Variants in CDH3 observed in about 807,000 individuals in gnomAD.
CDH3 encodes the protein cadherin-3.
A neutral mutation model predicts 82.0 loss-of-function variants in CDH3; 54 were observed. That is an observed-to-expected ratio of 0.66 (90% CI 0.53 to 0.83). The LOEUF (loss-of-function observed/expected upper bound fraction) is 0.83, where lower values mean the gene tolerates loss of function less well. Ranked by LOEUF, CDH3 falls within the 40% of genes least tolerant of loss-of-function variation. CDH3 has a pLI of 0.00. For missense variants in CDH3, 1,054 were observed against 1,084.6 expected (o/e 0.97, Z 0.40); for synonymous variants, 446 against 437.9 (o/e 1.02, Z -0.23).
chr16:68,678,572 T>G lies in CDH3; in HGVS notation c.462T>G (p.Pro154=), dbSNP rs546779028. The G allele has an allele frequency of 2.5e-6, 4 of 1,614,198 alleles. No homozygotes were observed. Among genetic ancestry groups the G allele is most frequent in the Non-Finnish European group, 3.4e-6 (4 of 1,179,992 alleles). Residue 154 remains proline, a synonymous_variant, in exon 5 of 16, where the codon CCT becomes CCG. Coordinates refer to ENST00000264012, the MANE Select transcript of CDH3 (RefSeq NM_001793.6). ...CGGGGCCGGGGGCAGACAGCCCCCC[T>G]GAGGGTGTCTTCGCTGTAGAGAAGG... ...SITGPGADSP[P]EGVFAVEKET... is the part of the protein sequence containing the mutation.
chr16:68,666,384 C>T (rs1384143318), intron 2 of CDH3, among the ~76,000 whole-genome samples: 4 of 152,178 alleles, frequency 2.6e-5, no homozygotes, highest in Non-Finnish European at 1.5e-5. Context: ...ACCCAGGGCT[C>T]TGGCAGGCCC....
Position 68,698,267 on chromosome 16 carries a change from G to C in CDH3, c.2357G>C (p.Gly786Ala). 1.2e-6 allele frequency: 2 copies of C among 1,614,238 alleles called. No homozygotes were observed. The highest frequency in any genetic ancestry group is 2.2e-5 in the South Asian group (2 of 91,084). ...TLLVFDYEGSGSDAASLSSLT... is the reference protein window; with the variant it reads ...TLLVFDYEGSASDAASLSSLT... ...TTGGTGTTCGACTATGAGGGCAGCG[G>C]CTCCGACGCCGCGTCCCTGAGCTCC... The change falls in exon 16 of 16, where the codon GGC becomes GCC. Residue 786 changes from glycine to alanine, a missense_variant. Transcript: ENST00000264012.
chr16:68,667,729 T>C (rs185088564), intron 2 of CDH3, among the ~76,000 whole-genome samples: 1 of 152,276 alleles, frequency 6.6e-6, no homozygotes, highest in East Asian at 1.9e-4. Flanking sequence ...GACCAAACTC[T>C]TCTTGCCCAA....
downstream of CDH3, among the ~76,000 whole-genome samples, chr16:68,704,111 C>A (rs1235161946): frequency 6.6e-6 from 1 of 151,708 alleles, no homozygotes; most frequent in Admixed American, 6.6e-5. Flanking sequence ...ACGGTGAAAC[C>A]CCGTCTCTAC....
At chr16:68,683,135 C>G (rs1299263060) in intron 9 of CDH3, among the ~76,000 whole-genome samples, 2 of 152,082 alleles carry the variant, frequency 1.3e-5, no homozygotes, top group African/African-American at 2.4e-5. Flanking sequence ...GTTTCTTTTA[C>G]TTCCTGGTTT....
chr16:68,704,276 G>A (rs1332679638), downstream of CDH3, among the ~76,000 whole-genome samples: 1 of 150,140 alleles, frequency 6.7e-6, no homozygotes, highest in Non-Finnish European at 1.5e-5. Context: ...CACAGAGCGA[G>A]ACTTCGTCTC....
rs1961690799 is a variant in CDH3 at position 68,695,362 on chromosome 16, G to C, written c.2110G>C (p.Glu704Gln). The C allele has an allele frequency of 6.2e-7, 1 of 1,613,206 alleles. No individual in the cohort carries two copies. ...TRDNVFYYGE[E>Q]GGGEEDQDYD... ...TGACAACGTCTTCTACTATGGCGAAGAGGGGGGTGGCGAAGAGGACCAGGT... is the reference window on the plus strand; with the variant it reads ...TGACAACGTCTTCTACTATGGCGAACAGGGGGGTGGCGAAGAGGACCAGGT... Residue 704 changes from glutamate to glutamine, a missense_variant, in exon 14 of 16, where the codon GAG becomes CAG. By Grantham distance (29) the Glu-to-Gln change is conservative. Transcript: ENST00000264012.
At chr16:68,695,118 C>G (rs1042853612) in intron 13 of CDH3, 137 bp from the exon 14 acceptor site, 4 of 922,702 alleles carry the variant, frequency 4.3e-6, no homozygotes, top group Non-Finnish European at 7.0e-6. Flanking sequence ...TTCCTAGGTG[C>G]AAGTAAAGCC....
chr16:68,680,970 A>G lies in CDH3; in HGVS notation c.870A>G (p.Lys290=). Residue 290 remains lysine (K), a splice_region_variant and synonymous_variant, in exon 8 of 16, where the codon AAA becomes AAG. Transcript: ENST00000264012. ...CTTCCCCTCTCCTTTCTCCCCAGAA[A>G]GTCCCTGAGTACACACTGACCATCC... ...SVISSGLDRE[K]VPEYTLTIQA... The G allele has an allele frequency of 1.2e-6, 2 of 1,614,106 alleles. No homozygotes were observed. Among genetic ancestry groups the G allele is most frequent in the Non-Finnish European group, 1.7e-6 (2 of 1,180,000 alleles).
chr16:68,687,694 G>A lies in CDH3; in HGVS notation c.1753G>A (p.Asp585Asn). The A allele has an allele frequency of 6.2e-7, 1 of 1,614,064 alleles. No individual in the cohort carries two copies. ...HTSPFQAQLT[D>N]DSDIYWTAEV... Reference sequence around the variant, plus strand: ...CTCCCCTTTCCAGGCCCAGCTCACAGATGACTCAGACATCTACTGGACGGC... The same window carrying A: ...CTCCCCTTTCCAGGCCCAGCTCACAAATGACTCAGACATCTACTGGACGGC... Residue 585 changes from aspartate to asparagine, a missense_variant, in exon 12 of 16, where the codon GAT becomes AAT. Physicochemically the swap from Asp to Asn is conservative, Grantham distance 23 (BLOSUM62 1). Transcript: ENST00000264012.
chr16:68,650,191 C>T (rs1221168377), intron 2 of CDH3, among the ~76,000 whole-genome samples: 2 of 152,180 alleles, frequency 1.3e-5, no homozygotes, highest in Non-Finnish European at 2.9e-5. Context: ...AGAAAGCCGG[C>T]CACTCAGGAG....
Position 68,698,401 on chromosome 16 carries a change from G to T in CDH3, c.*1G>T, listed in dbSNP as rs767274195. ...GTACGGTGGCGGGGAGGACGACTAGGCGGCCTGCCTGCAGGGCTGGGGACC... is the reference window on the plus strand; with the variant it reads ...GTACGGTGGCGGGGAGGACGACTAGTCGGCCTGCCTGCAGGGCTGGGGACC... On this transcript the variant is annotated 3_prime_UTR_variant, in exon 16 of 16. Coordinates refer to ENST00000264012, the MANE Select transcript of CDH3 (RefSeq NM_001793.6). The T allele has an allele frequency of 2.5e-6, 4 of 1,613,454 alleles. No individual in the cohort carries two copies. The highest frequency in any genetic ancestry group is 3.4e-6 in the Non-Finnish European group (4 of 1,179,708).
chr16:68,659,136 G>A (rs1194567363), intron 2 of CDH3, among the ~76,000 whole-genome samples: 1 of 152,140 alleles, frequency 6.6e-6, no homozygotes, highest in Admixed American at 6.5e-5. Context: ...TTACAGGTGA[G>A]GAAACTGAGG....
intron 1 of CDH3, among the ~76,000 whole-genome samples, chr16:68,719,279 A>G (rs1962133458): frequency 6.6e-6 from 1 of 151,868 alleles, no homozygotes; most frequent in Non-Finnish European, 1.5e-5. Context: ...TAAAAAACGA[A>G]CTATGAACTA....
At chr16:68,661,453 T>C (rs1960576652) in intron 2 of CDH3, among the ~76,000 whole-genome samples, 1 of 152,200 alleles carries the variant, frequency 6.6e-6, no homozygotes. Flanking sequence ...AGTGAGTACA[T>C]CAATGTTAAG....
At chr16:68,657,864 C>T (rs1344429869) in intron 2 of CDH3, among the ~76,000 whole-genome samples, 2 of 152,158 alleles carry the variant, frequency 1.3e-5, no homozygotes, top group Admixed American at 1.3e-4. Context: ...GAGACCTTGA[C>T]AACCTGTGTT....
intron 2 of CDH3, among the ~76,000 whole-genome samples, chr16:68,664,847 G>A (rs1316956665): frequency 6.6e-6 from 1 of 151,554 alleles, no homozygotes; most frequent in African/African-American, 2.4e-5. Context: ...ATGGGGTTTC[G>A]CCATGTTGCC....
At chr16:68,654,466 G>A (rs1243973039) in intron 2 of CDH3, among the ~76,000 whole-genome samples, 9 of 126,672 alleles carry the variant, frequency 7.1e-5, no homozygotes, top group Non-Finnish European at 1.4e-4. Context: ...ACTTTGGGAG[G>A]CCGAGGCAGG....
At chr16:68,668,756 C>G (rs766987399) in intron 2 of CDH3, among the ~76,000 whole-genome samples, 2 of 152,190 alleles carry the variant, frequency 1.3e-5, no homozygotes, top group African/African-American at 4.8e-5. Context: ...TAGCTAACTT[C>G]TTCCCACTTT....
Sources: allele counts gnomAD v4.1 joint callset (sites outside exome capture counted in the v4.1 genomes callset), GRCh38; gene constraint gnomAD v4.1.1; transcripts MANE v1.5; gene names NCBI Gene and HGNC (gene_info 2026-07-23, HGNC 2026-07-21).